The following MAP4K3 variants were observed in gnomAD, a reference collection of about 807,000 sequenced individuals.
MAP4K3 encodes the protein mitogen-activated protein kinase kinase kinase kinase 3, also known as MAPK/ERK kinase kinase kinase 3.
A neutral mutation model predicts 143.5 loss-of-function variants in MAP4K3; 94 were observed. The observed-to-expected ratio is 0.65, with a 90% CI of 0.55 to 0.78. The LOEUF (loss-of-function observed/expected upper bound fraction) is 0.78. Among genes scored for constraint, MAP4K3 ranks in the 30% least tolerant of loss-of-function variants. The pLI is 0.00. For missense variants in MAP4K3, 1,077 were observed against 1,068.1 expected (o/e 1.01, Z -0.12); for synonymous variants, 416 against 347.2 (o/e 1.20, Z -2.20).
At chr2:39,431,970 G>A (rs769525426) in intron 1 of MAP4K3, among the ~76,000 whole-genome samples, 9 of 151,874 alleles carry the variant, frequency 5.9e-5, no homozygotes, top group Non-Finnish European at 1.3e-4. Context: ...CAATTATGGA[G>A]TATCTAGAGA....
At position 39,315,380 on chromosome 2, in the gene MAP4K3, A is replaced by G. The variant is rs908153039; in HGVS notation, c.927T>C (p.Val309=). ...TTGAGTGAATTCTATGTGGTACAGC[A>G]ACAAGAGGCTAGAAAAGAACAAAAT... ...DFDDDDPEPL[V]AVPHRIHSTS... The change falls in exon 13 of 34, where the codon GTT becomes GTC. Residue 309 remains valine, a synonymous_variant. Coordinates refer to ENST00000263881, the MANE Select transcript of MAP4K3 (RefSeq NM_003618.4). The G allele has an allele frequency of 1.9e-6, 3 of 1,610,098 alleles. No homozygotes were observed. Among genetic ancestry groups the G allele is most frequent in the African/African-American group, 2.7e-5 (2 of 74,808 alleles).
intron 24 of MAP4K3, among the ~76,000 whole-genome samples, chr2:39,273,751 CAAT>C (rs1365965202): frequency 6.6e-6 from 1 of 152,108 alleles, no homozygotes; most frequent in Non-Finnish European, 1.5e-5. Flanking sequence ...GTGGCATTGC[CAAT>C]ACAGTTTTTT....
chr2:39,324,872 T>C (rs1243372147), intron 12 of MAP4K3, among the ~76,000 whole-genome samples: 2 of 152,252 alleles, frequency 1.3e-5, no homozygotes, highest in African/African-American at 2.4e-5. Flanking sequence ...TTAACAACTA[T>C]ACTGGCTCAT....
intron 1 of MAP4K3, among the ~76,000 whole-genome samples, chr2:39,408,255 G>C (rs1212872233): frequency 6.6e-6 from 1 of 152,174 alleles, no homozygotes; most frequent in East Asian, 1.9e-4. Context: ...AAGTTCCTTT[G>C]ATATTAGACA....
intron 32 of MAP4K3, among the ~76,000 whole-genome samples, chr2:39,253,601 C>G (rs1015910452): frequency 6.6e-6 from 1 of 152,198 alleles, no homozygotes; most frequent in Non-Finnish European, 1.5e-5. Flanking sequence ...AACTTGAGAC[C>G]TGAAGCCTAG....
chr2:39,284,963 G>A (rs1681705872), intron 21 of MAP4K3, among the ~76,000 whole-genome samples: 3 of 152,016 alleles, frequency 2.0e-5, no homozygotes, highest in African/African-American at 7.2e-5. Context: ...GGCAAGCATA[G>A]CTCACTTTAA....
At chr2:39,289,292 T>C (rs959175110) in intron 19 of MAP4K3, among the ~76,000 whole-genome samples, 4 of 152,182 alleles carry the variant, frequency 2.6e-5, no homozygotes, top group Non-Finnish European at 5.9e-5. Flanking sequence ...TTTACTTGCA[T>C]GAATCAGGAT....
At chr2:39,294,173 G>A (rs1027710955) in intron 16 of MAP4K3, 5 of 152,096 alleles carry the variant, frequency 3.3e-5, no homozygotes, top group Admixed American at 2.6e-4. Flanking sequence ...AAGTTATCAG[G>A]TAGCACCTTT....
chr2:39,363,153 A>C (rs1013795990), intron 2 of MAP4K3, among the ~76,000 whole-genome samples: 22 of 152,240 alleles, frequency 1.4e-4, no homozygotes, highest in Non-Finnish European at 2.2e-4. Context: ...TAGTCTTGGC[A>C]ATTATTACTT....
intron 4 of MAP4K3, among the ~76,000 whole-genome samples, chr2:39,338,989 G>A (rs370420428): frequency 4.3e-4 from 65 of 152,278 alleles, no homozygotes; most frequent in African/African-American, 1.4e-3. Flanking sequence ...CACAAACAGA[G>A]CATCTGTACA....
chr2:39,367,398 G>GATA (rs1282414940), intron 2 of MAP4K3, among the ~76,000 whole-genome samples: 1 of 151,774 alleles, frequency 6.6e-6, no homozygotes, highest in African/African-American at 2.4e-5. Context: ...AAATAAGCTG[G>GATA]GTATGGTGGT....
intron 24 of MAP4K3, among the ~76,000 whole-genome samples, chr2:39,275,065 G>T (rs1681190159): frequency 6.6e-6 from 1 of 152,168 alleles, no homozygotes; most frequent in African/African-American, 2.4e-5. Context: ...CTCTAGGAGG[G>T]AAAAATGTTT....
At chr2:39,382,198 C>T (rs1463815963) in intron 1 of MAP4K3, among the ~76,000 whole-genome samples, 1 of 152,162 alleles carries the variant, frequency 6.6e-6, no homozygotes, top group African/African-American at 2.4e-5. Flanking sequence ...GAAAGGCATT[C>T]CTTGAGAGTG....
intron 31 of MAP4K3, among the ~76,000 whole-genome samples, chr2:39,255,023 T>C (rs1487886036): frequency 6.6e-6 from 1 of 152,216 alleles, no homozygotes; most frequent in Non-Finnish European, 1.5e-5. Flanking sequence ...GCATCCCCTA[T>C]GTACCCTGCC....
At chr2:39,341,508 T>C (rs1014675981) in intron 4 of MAP4K3, among the ~76,000 whole-genome samples, 3 of 151,620 alleles carry the variant, frequency 2.0e-5, no homozygotes, top group African/African-American at 7.3e-5. Flanking sequence ...AATATAAAAA[T>C]TAGCCGGTGT....
intron 13 of MAP4K3, among the ~76,000 whole-genome samples, chr2:39,314,449 G>C (rs891208026): frequency 6.6e-6 from 1 of 152,154 alleles, no homozygotes; most frequent in African/African-American, 2.4e-5. Context: ...AAATAGTTTT[G>C]TGGTGAAATT....
intron 1 of MAP4K3, among the ~76,000 whole-genome samples, chr2:39,384,314 G>A (rs1666434802): frequency 6.6e-6 from 1 of 151,838 alleles, no homozygotes; most frequent in Non-Finnish European, 1.5e-5. Flanking sequence ...GGGAGGCCGA[G>A]GTAGGCGGAT....
intron 12 of MAP4K3, among the ~76,000 whole-genome samples, chr2:39,318,207 G>C (rs528528092): frequency 6.6e-6 from 1 of 152,132 alleles, no homozygotes; most frequent in South Asian, 2.1e-4. Flanking sequence ...AGTACACATG[G>C]ATACAAAGAA....
intron 1 of MAP4K3, among the ~76,000 whole-genome samples, chr2:39,434,672 A>G (rs1037884336): frequency 2.0e-5 from 3 of 152,254 alleles, no homozygotes; most frequent in Non-Finnish European, 4.4e-5. Context: ...GGTTAAGAAT[A>G]CAGTCCCTAA....
Sources: allele counts gnomAD v4.1 joint callset (sites outside exome capture counted in the v4.1 genomes callset), GRCh38; gene constraint gnomAD v4.1.1; transcripts MANE v1.5; gene names NCBI Gene and HGNC (gene_info 2026-07-23, HGNC 2026-07-21).